The following MCTP1 variants were observed in gnomAD, a reference collection of about 807,000 sequenced individuals.
MCTP1 encodes multiple C2 and transmembrane domain-containing protein 1.
In MCTP1, 69 loss-of-function variants were observed where a neutral mutation model predicts 120.6. The ratio of observed to expected loss-of-function variants is 0.57; its 90% CI spans 0.47 to 0.70. The LOEUF is 0.70. Among genes scored for constraint, MCTP1 ranks in the 30% least tolerant of loss-of-function variants. MCTP1 has a pLI of 0.00. For synonymous variants in MCTP1, 529 were observed against 493.1 expected, an observed-to-expected ratio of 1.07 and a Z score of -0.96; for missense variants, 1,203 against 1,248.8, an observed-to-expected ratio of 0.96 and a Z score of 0.55.
chr5:94,833,194 T>G (rs1352916283), intron 17 of MCTP1, among the ~76,000 whole-genome samples: 1 of 152,128 alleles, frequency 6.6e-6, no homozygotes, highest in Non-Finnish European at 1.5e-5. Flanking sequence ...GTCAATAAGT[T>G]TTGTGTGCTT....
At chr5:94,953,922 TAATATATGCATATATATACAAA>T (rs1821465110) in intron 2 of MCTP1, among the ~76,000 whole-genome samples, 4 of 33,252 alleles carry the variant, frequency 1.2e-4, no homozygotes, top group African/African-American at 6.0e-4. Context: ...TATACAAATA[TAATATATGCATATATATACAAA>T]TATATATGCA....
chr5:94,950,007 A>G (rs1289281592), intron 3 of MCTP1, among the ~76,000 whole-genome samples: 2 of 152,302 alleles, frequency 1.3e-5, no homozygotes, highest in African/African-American at 4.8e-5. Flanking sequence ...AAAAAATGGA[A>G]CACAAATAAT....
chr5:94,938,721 C>T (rs1021198134), intron 5 of MCTP1, among the ~76,000 whole-genome samples: 10 of 151,890 alleles, frequency 6.6e-5, no homozygotes, highest in Non-Finnish European at 1.2e-4. Flanking sequence ...AGTAGGTTCT[C>T]GGAGAATACT....
intron 1 of MCTP1, among the ~76,000 whole-genome samples, chr5:95,030,981 A>G (rs1435007266): frequency 6.6e-6 from 1 of 152,154 alleles, no homozygotes; most frequent in Non-Finnish European, 1.5e-5. Flanking sequence ...GAACTCCAGA[A>G]TAGAAAAGTT....
intron 1 of MCTP1, among the ~76,000 whole-genome samples, chr5:95,280,069 A>C (rs1051555215): frequency 9.9e-5 from 15 of 152,200 alleles, no homozygotes; most frequent in African/African-American, 3.6e-4. Flanking sequence ...ACATCTGAAA[A>C]ATTGCAAAAA....
intron 1 of MCTP1, among the ~76,000 whole-genome samples, chr5:95,181,329 A>G (rs956539776): frequency 6.6e-6 from 1 of 152,156 alleles, no homozygotes; most frequent in Non-Finnish European, 1.5e-5. Context: ...CTACACGTCT[A>G]CATTCTGCTG....
At chr5:95,235,289 C>A (rs571007567) in intron 1 of MCTP1, among the ~76,000 whole-genome samples, 1 of 151,594 alleles carries the variant, frequency 6.6e-6, no homozygotes, top group South Asian at 2.1e-4. Flanking sequence ...AAACTCTCAC[C>A]AAACAAATAA....
At chr5:94,831,021 C>T (rs1297416315) in intron 17 of MCTP1, among the ~76,000 whole-genome samples, 1 of 152,116 alleles carries the variant, frequency 6.6e-6, no homozygotes, top group Non-Finnish European at 1.5e-5. Flanking sequence ...TAATTAGATC[C>T]AGATCCTAGT....
At position 95,017,360 on chromosome 5, in the gene MCTP1, C is replaced by G; in HGVS notation, c.838+7G>C. Reference sequence around the variant, plus strand: ...GCTTCTAGGTGATATTGCTCTTATGCTCTTACCTCCTCGATCTCGAGCAGC... The same window carrying G: ...GCTTCTAGGTGATATTGCTCTTATGGTCTTACCTCCTCGATCTCGAGCAGC... On this transcript the variant is annotated splice_region_variant and intron_variant, in intron 2 of 22. Coordinates refer to ENST00000515393, the MANE Select transcript of MCTP1 (RefSeq NM_024717.7). 1.9e-6 allele frequency: 3 copies of G among 1,579,450 alleles called. No homozygotes were observed. Among genetic ancestry groups the G allele is most frequent in the South Asian group, 1.1e-5 (1 of 88,590 alleles).
At chr5:95,236,506 G>A (rs1034068973) in intron 1 of MCTP1, among the ~76,000 whole-genome samples, 22 of 152,004 alleles carry the variant, frequency 1.4e-4, no homozygotes, top group African/African-American at 4.8e-4. Flanking sequence ...CTTACTTCCC[G>A]TGAGGACTGT....
intron 1 of MCTP1, among the ~76,000 whole-genome samples, chr5:95,163,814 C>A (rs1250513487): frequency 6.6e-6 from 1 of 152,104 alleles, no homozygotes; most frequent in Non-Finnish European, 1.5e-5. Context: ...CTTTTCTGAG[C>A]CTCAGTTCTC....
At chr5:94,964,287 C>T (rs1825068161) in intron 2 of MCTP1, among the ~76,000 whole-genome samples, 1 of 152,100 alleles carries the variant, frequency 6.6e-6, no homozygotes, top group African/African-American at 2.4e-5. Context: ...AACATATGAT[C>T]TAACTGGAGG....
chr5:95,042,025 A>G (rs913480399), intron 1 of MCTP1, among the ~76,000 whole-genome samples: 1 of 152,196 alleles, frequency 6.6e-6, no homozygotes, highest in African/African-American at 2.4e-5. Flanking sequence ...TTCAAAGTGC[A>G]AAAGTCTGAA....
At chr5:94,882,543 T>C (rs59067757) in intron 12 of MCTP1, among the ~76,000 whole-genome samples, 11,150 of 102,260 alleles carry the variant, frequency 0.11, 420 homozygotes, top group Non-Finnish European at 0.15. Context: ...AACAAAATAT[T>C]TTTTAAGTTT....
At chr5:95,241,720 A>C (rs953801957) in intron 1 of MCTP1, among the ~76,000 whole-genome samples, 1 of 152,210 alleles carries the variant, frequency 6.6e-6, no homozygotes, top group African/African-American at 2.4e-5. Context: ...GAAATCCTTC[A>C]AATTTTAGTA....
chr5:94,773,930 C>CCAT (rs1580611476), intron 19 of MCTP1, among the ~76,000 whole-genome samples: 14 of 40,146 alleles, frequency 3.5e-4, no homozygotes, highest in South Asian at 2.1e-3. Flanking sequence ...TGAAATAGGC[C>CCAT]GGGCGCGGTG....
chr5:94,714,966 A>T lies in MCTP1; in HGVS notation c.2611-80T>A. 3 of 820,000 alleles carry T rather than the reference A, an allele frequency of 3.7e-6. No homozygotes were observed. In the South Asian group the frequency reaches 4.5e-5, roughly 12 times the overall value. The allele number at this position is 820,000 out of a possible 1,614,324, so 50.8% of individuals were successfully genotyped here. On this transcript the variant is annotated intron_variant, in intron 19 of 22. Transcript: ENST00000515393. ...GAATTCTTTGTGTTGTCCCTCTGTT[A>T]CATTTTTAAACTTAAATAAACTTCA...
chr5:95,070,606 C>T (rs1283878224), intron 1 of MCTP1, among the ~76,000 whole-genome samples: 1 of 152,216 alleles, frequency 6.6e-6, no homozygotes, highest in East Asian at 1.9e-4. Context: ...CTACTCCTGT[C>T]TGCTCTGCCT....
At position 94,868,386 on chromosome 5, in the gene MCTP1, C is replaced by G. The variant is rs765527734; in HGVS notation, c.2383G>C (p.Val795Leu). The change falls in exon 17 of 23, where the codon GTT (valine) becomes CTT (leucine). Residue 795 changes from valine to leucine, a missense_variant. Physicochemically the swap from Val to Leu is conservative, Grantham distance 32. This residue lies in a region of MCTP1 where 740 missense variants were observed against 871.1 expected (regional missense o/e 0.85). Coordinates refer to ENST00000515393, the MANE Select transcript of MCTP1 (RefSeq NM_024717.7). The stretch of plus-strand genomic sequence containing the variant: ...GAATCCCAATCAAAGCAACTATTAA[C>G]GTAGTATGCAGCATTTACCAGCACC... ...VMVLVNAAYY[V>L]NSCFDWDSPP... 6 of 1,609,030 alleles carry G rather than the reference C, an allele frequency of 3.7e-6. No individual in the cohort carries two copies. In the East Asian group the frequency reaches 6.7e-5, roughly 18 times the overall value.
Sources: gnomAD v4.1 joint callset for allele counts (sites outside exome capture counted in the v4.1 genomes callset) on GRCh38, gnomAD v4.1.1 for gene constraint, gnomAD v4.1.1 regional missense constraint, MANE v1.5 for transcripts, NCBI Gene and HGNC (gene_info 2026-07-23, HGNC 2026-07-21) for gene names.